CRNKL1: variants seen among roughly 807,000 people sequenced by gnomAD.
The protein encoded by CRNKL1 is crooked neck-like protein 1.
A neutral mutation model predicts 103.7 loss-of-function variants in CRNKL1; 35 were observed. The observed-to-expected ratio is 0.34, with a 90% CI of 0.26 to 0.45. The LOEUF (loss-of-function observed/expected upper bound fraction) is 0.45. Ranked by LOEUF, CRNKL1 falls within the 20% of genes least tolerant of loss-of-function variation. The pLI is 1.00. For synonymous variants in CRNKL1, 267 were observed against 282.6 expected, an observed-to-expected ratio of 0.94 and a Z score of 0.55; for missense variants, 645 against 836.0, an observed-to-expected ratio of 0.77 and a Z score of 2.82.
At chr20:20,051,856 T>C (rs2043751865) in intron 1 of CRNKL1, among the ~76,000 whole-genome samples, 1 of 152,178 alleles carries the variant, frequency 6.6e-6, no homozygotes, top group African/African-American at 2.4e-5. Context: ...TTAAAGGTCA[T>C]TTCCTCAGCA....
intron 9 of CRNKL1, 146 bp downstream of exon 9, chr20:20,041,420 A>G (rs956322078): frequency 3.1e-6 from 2 of 653,834 alleles, no homozygotes; most frequent in African/African-American, 3.6e-5. Context: ...TTTCAGAGGC[A>G]AGGAGCATAT....
At chr20:20,040,610 A>T in intron 10 of CRNKL1, 76 bp downstream of exon 10, 2 of 1,107,490 alleles carry the variant, frequency 1.8e-6, no homozygotes, top group Non-Finnish European at 2.7e-6. Context: ...TAGGAACTGT[A>T]CAACTTCCAA....
intron 9 of CRNKL1, 114 bp downstream of exon 9, chr20:20,041,452 C>T: frequency 1.2e-6 from 1 of 830,700 alleles, no homozygotes; most frequent in Non-Finnish European, 2.0e-6. Context: ...TTATGTTGTC[C>T]ATGGTGGGAC....
upstream of CRNKL1, among the ~76,000 whole-genome samples, chr20:20,053,462 G>T (rs529826596): frequency 6.6e-6 from 1 of 152,100 alleles, no homozygotes; most frequent in African/African-American, 2.4e-5. Flanking sequence ...TTTATATTAG[G>T]GTTCACTCTT....
In CRNKL1 at chr20:20,048,410, G is replaced by C. The variant is rs931008283; in HGVS notation, c.388C>G (p.Gln130Glu). ...KYAEMEMKNR[Q>E]VNHARNIWDR... ...CAGATATTTCGAGCATGGTTGACTT[G>C]GCGATTCTTCATTTCCATTTCTGCG... The change falls in exon 4 of 14, where the codon CAA becomes GAA. Residue 130 changes from glutamine to glutamate, a missense_variant. Physicochemically the swap from Gln to Glu is conservative, Grantham distance 29. Coordinates refer to ENST00000536226, the MANE Select transcript of CRNKL1 (RefSeq NM_001278628.2). 1.2e-6 allele frequency: 2 copies of C among 1,614,152 alleles called. No individual in the cohort carries two copies. The highest frequency in any genetic ancestry group is 3.3e-5 in the Admixed American group (2 of 60,024).
chr20:20,049,320 T>A lies in CRNKL1; in HGVS notation c.296+20A>T, dbSNP rs1193224295. 1.5e-6 allele frequency: 2 copies of A among 1,308,322 alleles called. No individual in the cohort carries two copies. The highest frequency in any genetic ancestry group is 2.2e-6 in the Non-Finnish European group (2 of 914,874). 81.0% of individuals were successfully genotyped at this position (1,308,322 alleles called of 1,614,324 possible). A position where few individuals can be genotyped will look rare whatever the true frequency, so the allele number is the denominator to read the frequency against. ...ATCTATGAATCATTATATACAAAAC[T>A]ACACTCTCAGTAATTTTACCTTTGA... On this transcript the variant is annotated intron_variant, in intron 3 of 13. Transcript: ENST00000536226.
chr20:20,048,820 G>A (rs6046570), intron 3 of CRNKL1, among the ~76,000 whole-genome samples: 23,877 of 151,970 alleles, frequency 0.16, 3,686 homozygotes, highest in East Asian at 0.6. Flanking sequence ...GGAACGTTCC[G>A]ATTTACCAGG....
Position 20,039,788 on chromosome 20 carries a change from G to A in CRNKL1, c.1366C>T (p.Leu456=). The A allele has an allele frequency of 1.2e-6, 2 of 1,614,072 alleles. No individual in the cohort carries two copies. The highest frequency in any genetic ancestry group is 8.5e-7 in the Non-Finnish European group (1 of 1,179,950). ...KLFKVYIELE[L]QLREFDRCRK... ...CATCTGTCAAATTCTCGAAGCTGTA[G>A]CTCCAATTCTATGTAAACTTTAAAT... The change falls in exon 11 of 14, where the codon CTA becomes TTA. Residue 456 remains leucine (L), a synonymous_variant. Transcript: ENST00000536226.
At chr20:20,053,586 TTATG>T (rs926739310), upstream of CRNKL1, among the ~76,000 whole-genome samples, 2 of 152,198 alleles carry the variant, frequency 1.3e-5, no homozygotes, top group Middle Eastern at 3.2e-3. Context: ...AAATATATAT[TTATG>T]TATGTAGTAA....
At chr20:20,040,569 A>G (rs1337731394) in intron 10 of CRNKL1, 117 bp downstream of exon 10, 2 of 759,564 alleles carry the variant, frequency 2.6e-6, no homozygotes, top group Non-Finnish European at 4.5e-6. Context: ...CCCAGGCTAT[A>G]AAGGTATAAT....
At chr20:20,054,884 A>G (rs888130192), upstream of CRNKL1, among the ~76,000 whole-genome samples, 8 of 152,240 alleles carry the variant, frequency 5.3e-5, no homozygotes, top group Non-Finnish European at 1.2e-4. Context: ...CTGAAGGTTC[A>G]TGTCTTTCAT....
In CRNKL1 at chr20:20,034,469, G is replaced by A. The variant is rs2146474895; in HGVS notation, c.*1726C>T. ...TTAGAGAATAGCTTTTTTCCTTCCA[G>A]CTTTCACACTGGCACATGCTTATTA... On this transcript the variant is annotated 3_prime_UTR_variant, in exon 14 of 14. Coordinates refer to ENST00000536226, the MANE Select transcript of CRNKL1 (RefSeq NM_001278628.2). 1 of 152,246 alleles carries A rather than the reference G, an allele frequency of 6.6e-6. No individual in the cohort carries two copies. The highest frequency in any genetic ancestry group is 2.1e-4 in the South Asian group (1 of 4,822). 9.4% of individuals were successfully genotyped at this position (152,246 alleles called of 1,614,324 possible).
upstream of CRNKL1, among the ~76,000 whole-genome samples, chr20:20,055,431 A>G (rs725466): frequency 0.14 from 21,449 of 151,940 alleles, 1,640 homozygotes; most frequent in East Asian, 0.22. Flanking sequence ...TAGCCCCCTC[A>G]CTTACCGAGG....
rs368436051 is a variant in CRNKL1, at chr20:20,037,566, C to T, written c.1653G>A (p.Trp551Ter). 1 of 1,610,792 alleles carries T rather than the reference C, an allele frequency of 6.2e-7. No homozygotes were observed. Among genetic ancestry groups the T allele is most frequent in the Non-Finnish European group, 8.5e-7 (1 of 1,179,086 alleles). The change falls in exon 13 of 14, where the codon TGG becomes TGA. Residue 551 changes from tryptophan to a stop codon, truncating the protein, a stop_gained. Transcript: ENST00000536226. LOFTEE classifies it high-confidence loss of function. ...LLQRTQHVKV[W>*]ISFAQFELSS... is the part of the protein sequence containing the mutation. ...ACAACTCAAACTGAGCAAAGCTGAT[C>T]CATACCTTTAAAAAAAGTTATTATT... is the stretch of plus-strand genomic sequence containing the variant.
upstream of CRNKL1, chr20:20,052,594 G>A (rs1159922483): frequency 2.8e-5 from 45 of 1,613,716 alleles, no homozygotes; most frequent in African/African-American, 1.1e-4. Flanking sequence ...CGGATGAGGT[G>A]GGTAACGCCG....
chr20:20,048,463 T>C lies in CRNKL1; in HGVS notation c.335A>G (p.Tyr112Cys). 1.2e-6 allele frequency: 2 copies of C among 1,614,180 alleles called. No homozygotes were observed. ...TTTCAGCCAGAGTGTAATATTTCGGTAGTCTACATCTAAAGCACGCTCGTA... is the reference window on the plus strand; with the variant it reads ...TTTCAGCCAGAGTGTAATATTTCGGCAGTCTACATCTAAAGCACGCTCGTA... ...SIYERALDVDYRNITLWLKYA... is the reference protein window; with the variant it reads ...SIYERALDVDCRNITLWLKYA... Residue 112 changes from tyrosine (Y) to cysteine (C), a missense_variant, in exon 4 of 14, where the codon TAC (tyrosine) becomes TGC (cysteine). Coordinates refer to ENST00000536226, the MANE Select transcript of CRNKL1 (RefSeq NM_001278628.2).
chr20:20,036,960 C>A (rs1411499134), intron 13 of CRNKL1, among the ~76,000 whole-genome samples: 1 of 152,202 alleles, frequency 6.6e-6, no homozygotes, highest in Non-Finnish European at 1.5e-5. Context: ...CACTGACTCC[C>A]ACCAAACTCC....
chr20:20,043,748 C>T, intron 6 of CRNKL1, 86 bp from the exon 7 acceptor site: 1 of 1,308,088 alleles, frequency 7.6e-7, no homozygotes, highest in South Asian at 1.4e-5. Flanking sequence ...CAAAATATTA[C>T]TTATAAGTTA....
intron 10 of CRNKL1, 114 bp downstream of exon 10, chr20:20,040,572 G>T: frequency 1.3e-6 from 1 of 777,558 alleles, no homozygotes; most frequent in Non-Finnish European, 2.2e-6. Flanking sequence ...AGGCTATAAA[G>T]GTATAATACT....
Sources: gnomAD v4.1 joint callset for allele counts (sites outside exome capture counted in the v4.1 genomes callset) on GRCh38, gnomAD v4.1.1 for gene constraint, MANE v1.5 for transcripts, NCBI Gene and HGNC (gene_info 2026-07-23, HGNC 2026-07-21) for gene names.